SLC24A2: variants seen among roughly 807,000 people sequenced by gnomAD.
SLC24A2 encodes the protein sodium/potassium/calcium exchanger 2.
A neutral mutation model predicts 62.0 loss-of-function variants in SLC24A2; 36 were observed. That is an observed-to-expected ratio of 0.58 (90% CI 0.44 to 0.77). The LOEUF is 0.77. Ranked by LOEUF, SLC24A2 falls within the 30% of genes least tolerant of loss-of-function variation. The pLI, the probability that SLC24A2 is intolerant of heterozygous loss-of-function variation, is 0.00. For missense variants in SLC24A2, 846 were observed against 817.9 expected (o/e 1.03, Z -0.42); for synonymous variants, 358 against 294.0 (o/e 1.22, Z -2.23).
At chr9:19,860,187 C>T in the SLC24A2 span, among the ~76,000 whole-genome samples, 1 of 152,156 alleles carries the variant, frequency 6.6e-6, no homozygotes, top group Non-Finnish European at 1.5e-5. Flanking sequence ...AAAAGAGACC[C>T]CTTCCTTTGC....
the SLC24A2 span, among the ~76,000 whole-genome samples, chr9:20,123,615 T>G: frequency 6.6e-6 from 1 of 152,156 alleles, no homozygotes; most frequent in Admixed American, 6.5e-5. Context: ...AACTGTACAA[T>G]AGAAAAAATA....
the SLC24A2 span, among the ~76,000 whole-genome samples, chr9:20,136,306 C>G: frequency 6.6e-6 from 1 of 152,026 alleles, no homozygotes; most frequent in Non-Finnish European, 1.5e-5. Flanking sequence ...AGTTTTCAGC[C>G]TATCTGCCAA....
chr9:19,664,877 T>C (rs981795618), intron 2 of SLC24A2, among the ~76,000 whole-genome samples: 19 of 152,198 alleles, frequency 1.2e-4, no homozygotes, highest in African/African-American at 3.9e-4. Flanking sequence ...AGAGTGAGCA[T>C]GGCTCTGCCA....
chr9:19,833,654 A>C, the SLC24A2 span, among the ~76,000 whole-genome samples: 3 of 152,260 alleles, frequency 2.0e-5, no homozygotes, highest in African/African-American at 7.2e-5. Flanking sequence ...CTGGGGGCAC[A>C]GCACAGACAA....
the SLC24A2 span, among the ~76,000 whole-genome samples, chr9:20,287,149 C>T: frequency 6.6e-6 from 1 of 152,166 alleles, no homozygotes; most frequent in Non-Finnish European, 1.5e-5. Flanking sequence ...TATAAATAAG[C>T]ACAAATCCTC....
chr9:20,103,683 C>CA, the SLC24A2 span, among the ~76,000 whole-genome samples: 4 of 152,190 alleles, frequency 2.6e-5, no homozygotes, highest in African/African-American at 7.2e-5. Flanking sequence ...GACATCCACA[C>CA]AAAAAACCCA....
intron 7 of SLC24A2, among the ~76,000 whole-genome samples, chr9:19,552,147 G>A (rs537303535): frequency 1.6e-4 from 25 of 152,218 alleles, no homozygotes; most frequent in Admixed American, 8.5e-4. Flanking sequence ...TCCATCCATT[G>A]CTTTCTTTCT....
chr9:20,232,623 T>C, the SLC24A2 span, among the ~76,000 whole-genome samples: 107 of 152,304 alleles, frequency 7.0e-4, 1 homozygote, highest in Non-Finnish European at 1.2e-3. Flanking sequence ...GATTCTTCTC[T>C]CTTTTCTTCT....
the SLC24A2 span, among the ~76,000 whole-genome samples, chr9:20,153,178 C>T: frequency 8.6e-5 from 13 of 151,944 alleles, no homozygotes; most frequent in Admixed American, 2.6e-4. Context: ...CAATTTTTCT[C>T]TGCAAAGGGT....
At chr9:19,691,669 T>C (rs1820050219) in intron 2 of SLC24A2, among the ~76,000 whole-genome samples, 1 of 152,228 alleles carries the variant, frequency 6.6e-6, no homozygotes, top group African/African-American at 2.4e-5. Flanking sequence ...GAACCAGTTA[T>C]ATACTTTCCT....
the SLC24A2 span, among the ~76,000 whole-genome samples, chr9:20,105,704 T>C: frequency 6.6e-6 from 1 of 151,802 alleles, no homozygotes; most frequent in Non-Finnish European, 1.5e-5. Context: ...AAGCAGTGTG[T>C]AGAGGGAAAT....
At chr9:19,824,817 A>G in the SLC24A2 span, among the ~76,000 whole-genome samples, 3 of 152,244 alleles carry the variant, frequency 2.0e-5, no homozygotes, top group Non-Finnish European at 2.9e-5. Flanking sequence ...TGGCACATAT[A>G]CACCATAGAA....
the SLC24A2 span, among the ~76,000 whole-genome samples, chr9:19,986,192 A>G: frequency 6.6e-6 from 1 of 152,194 alleles, no homozygotes; most frequent in African/African-American, 2.4e-5. Flanking sequence ...GCTCAACATC[A>G]TTAAGGAAAT....
intron 5 of SLC24A2, among the ~76,000 whole-genome samples, chr9:19,596,794 A>G (rs1836714325): frequency 6.6e-6 from 1 of 152,212 alleles, no homozygotes; most frequent in African/African-American, 2.4e-5. Flanking sequence ...GGTTCTGGGT[A>G]TAGAAGATAC....
the SLC24A2 span, among the ~76,000 whole-genome samples, chr9:20,278,151 G>A: frequency 0.14 from 21,144 of 151,936 alleles, 1,535 homozygotes; most frequent in Middle Eastern, 0.22. Flanking sequence ...GAGTTAATGG[G>A]TGCAGCACAC....
chr9:19,682,769 C>A (rs1206237713), intron 2 of SLC24A2, among the ~76,000 whole-genome samples: 1 of 152,062 alleles, frequency 6.6e-6, no homozygotes, highest in African/African-American at 2.4e-5. Flanking sequence ...AAAATACATT[C>A]ATCATGAAAA....
chr9:20,030,532 G>C, the SLC24A2 span, among the ~76,000 whole-genome samples: 2 of 152,148 alleles, frequency 1.3e-5, no homozygotes, highest in African/African-American at 4.8e-5. Context: ...CCAGTCATCT[G>C]GTCACTCATC....
chr9:19,838,233 G>A, the SLC24A2 span, among the ~76,000 whole-genome samples: 1 of 152,056 alleles, frequency 6.6e-6, no homozygotes, highest in Non-Finnish European at 1.5e-5. Flanking sequence ...ATAGACCAAT[G>A]GAACAGAACA....
the SLC24A2 span, among the ~76,000 whole-genome samples, chr9:19,880,286 C>T: frequency 9.2e-5 from 14 of 152,274 alleles, no homozygotes; most frequent in East Asian, 1.9e-3. Flanking sequence ...GGAAGTAACT[C>T]GGGACTGGTT....
Sources: gnomAD v4.1 joint callset for allele counts (sites outside exome capture counted in the v4.1 genomes callset) on GRCh38, gnomAD v4.1.1 for gene constraint, MANE v1.5 for transcripts, NCBI Gene and HGNC (gene_info 2026-07-23, HGNC 2026-07-21) for gene names.